The following PRR16 variants were observed in gnomAD, a reference collection of about 807,000 sequenced individuals.
PRR16 encodes proline rich 16.
Under a neutral mutation model 18.2 loss-of-function variants are expected in PRR16, and 6 were observed. The observed-to-expected ratio is 0.33, with a 90% CI of 0.18 to 0.65. PRR16 has a LOEUF of 0.65. Among genes scored for constraint, PRR16 ranks in the 30% least tolerant of loss-of-function variants. The pLI is 0.74. For synonymous variants in PRR16, 151 were observed against 147.8 expected (o/e 1.02, Z -0.16); for missense variants, 412 against 376.6 (o/e 1.09, Z -0.78).
chr5:120,508,663 T>C (rs1750724033), intron 1 of PRR16, among the ~76,000 whole-genome samples: 1 of 152,144 alleles, frequency 6.6e-6, no homozygotes, highest in Non-Finnish European at 1.5e-5. Context: ...TTATAAATTG[T>C]GTCTTTAATT....
intron 1 of PRR16, among the ~76,000 whole-genome samples, chr5:120,479,320 C>T (rs146684627): frequency 0.011 from 1,600 of 152,160 alleles, 13 homozygotes; most frequent in East Asian, 0.024. Context: ...GACTGTTGGA[C>T]CTCTGTCTTT....
At chr5:120,749,367 A>G in the PRR16 span, among the ~76,000 whole-genome samples, 223 of 152,260 alleles carry the variant, frequency 1.5e-3, no homozygotes, top group South Asian at 0.011. Flanking sequence ...TTGAATAATT[A>G]TGTCACATAA....
the PRR16 span, among the ~76,000 whole-genome samples, chr5:120,705,216 AATGTT>A: frequency 1.3e-5 from 2 of 152,122 alleles, no homozygotes; most frequent in South Asian, 2.1e-4. Context: ...ATGTATATAT[AATGTT>A]ATGTTAATTA....
intron 1 of PRR16, among the ~76,000 whole-genome samples, chr5:120,669,269 G>T (rs1167897773): frequency 6.6e-6 from 1 of 151,994 alleles, no homozygotes; most frequent in African/African-American, 2.4e-5. Context: ...AAGTTTCTCT[G>T]AAAACCGTAG....
At chr5:120,592,772 T>C (rs919267833) in intron 1 of PRR16, among the ~76,000 whole-genome samples, 3 of 152,104 alleles carry the variant, frequency 2.0e-5, no homozygotes, top group African/African-American at 7.2e-5. Flanking sequence ...GTAGAAGAAT[T>C]TCATTACATT....
At chr5:120,786,651 T>C in the PRR16 span, among the ~76,000 whole-genome samples, 1 of 150,812 alleles carries the variant, frequency 6.6e-6, no homozygotes, top group Non-Finnish European at 1.5e-5. Context: ...ATTATAAAAA[T>C]TTTACCAAAA....
intron 1 of PRR16, among the ~76,000 whole-genome samples, chr5:120,553,421 T>C (rs1330009496): frequency 6.6e-6 from 1 of 151,910 alleles, no homozygotes; most frequent in African/African-American, 2.4e-5. Context: ...TTTTGGCAGC[T>C]TCTTGATTTT....
chr5:120,685,856 G>C (rs1327590818), intron 1 of PRR16, 98 bp from the exon 2 acceptor site: 14 of 1,238,096 alleles, frequency 1.1e-5, no homozygotes, highest in Non-Finnish European at 1.6e-5. Context: ...TATCAGTTAA[G>C]GCTTCCATAG....
At chr5:120,718,211 T>A in the PRR16 span, among the ~76,000 whole-genome samples, 1 of 152,126 alleles carries the variant, frequency 6.6e-6, no homozygotes, top group African/African-American at 2.4e-5. Flanking sequence ...TAATATTCAT[T>A]TACCATTTCT....
At chr5:120,734,300 A>C in the PRR16 span, among the ~76,000 whole-genome samples, 1 of 151,978 alleles carries the variant, frequency 6.6e-6, no homozygotes, top group Non-Finnish European at 1.5e-5. Context: ...AGGGAGCAGG[A>C]GGCTGGGGCA....
intron 1 of PRR16, among the ~76,000 whole-genome samples, chr5:120,537,495 C>T (rs1170533059): frequency 1.3e-5 from 2 of 151,728 alleles, no homozygotes; most frequent in African/African-American, 4.8e-5. Context: ...CAAATGTTAC[C>T]CATACCAATA....
intron 1 of PRR16, among the ~76,000 whole-genome samples, chr5:120,530,792 A>G (rs888017241): frequency 1.6e-4 from 25 of 152,118 alleles, no homozygotes; most frequent in Non-Finnish European, 3.4e-4. Flanking sequence ...GATAGGAAAG[A>G]GACTGCCTGC....
At chr5:120,644,098 T>C (rs1447124295) in intron 1 of PRR16, among the ~76,000 whole-genome samples, 1 of 152,080 alleles carries the variant, frequency 6.6e-6, no homozygotes, top group Non-Finnish European at 1.5e-5. Context: ...CTAAAACTGT[T>C]CCTTCTCTTA....
chr5:120,674,914 A>T (rs1756743347), intron 1 of PRR16, among the ~76,000 whole-genome samples: 1 of 151,780 alleles, frequency 6.6e-6, no homozygotes, highest in Non-Finnish European at 1.5e-5. Context: ...TTTGTTTTAT[A>T]TTCCAATTTT....
chr5:120,726,755 C>T, the PRR16 span, among the ~76,000 whole-genome samples: 2 of 151,914 alleles, frequency 1.3e-5, no homozygotes, highest in Non-Finnish European at 2.9e-5. Flanking sequence ...ACTGACATGT[C>T]CACTCTTGAT....
At chr5:120,759,805 G>C in the PRR16 span, among the ~76,000 whole-genome samples, 2 of 152,114 alleles carry the variant, frequency 1.3e-5, no homozygotes, top group African/African-American at 4.8e-5. Context: ...ATTTTGGATA[G>C]GATTTAGAGT....
intron 1 of PRR16, among the ~76,000 whole-genome samples, chr5:120,533,191 A>T (rs1214458026): frequency 6.6e-6 from 1 of 152,158 alleles, no homozygotes; most frequent in Non-Finnish European, 1.5e-5. Flanking sequence ...TTTTCTCTTC[A>T]TCCACTGAAT....
the PRR16 span, among the ~76,000 whole-genome samples, chr5:120,698,814 C>T: frequency 6.6e-6 from 1 of 152,046 alleles, no homozygotes; most frequent in Non-Finnish European, 1.5e-5. Context: ...TTAGTCCGTT[C>T]TACTTTTCTT....
chr5:120,715,142 T>C, the PRR16 span, among the ~76,000 whole-genome samples: 1 of 152,174 alleles, frequency 6.6e-6, no homozygotes, highest in African/African-American at 2.4e-5. Context: ...CAAGGTCATC[T>C]AGATTTTCTC....
Sources: allele counts gnomAD v4.1 joint callset (sites outside exome capture counted in the v4.1 genomes callset), GRCh38; gene constraint gnomAD v4.1.1; transcripts MANE v1.5; gene names NCBI Gene and HGNC (gene_info 2026-07-23, HGNC 2026-07-21).